Variants in NCAM2 observed in about 807,000 individuals in gnomAD.
NCAM2 encodes N-CAM-2.
In NCAM2, 30 loss-of-function variants were observed where a neutral mutation model predicts 98.1. The ratio of observed to expected loss-of-function variants is 0.31; its 90% CI spans 0.23 to 0.41. NCAM2 has a LOEUF of 0.41. NCAM2 is among the 10% of genes least tolerant of loss of function. The pLI is 1.00. For synonymous variants in NCAM2, 368 were observed against 342.4 expected, an observed-to-expected ratio of 1.07 and a Z score of -0.83; for missense variants, 867 against 1,005.8, an observed-to-expected ratio of 0.86 and a Z score of 1.87.
At chr21:21,263,459 A>G (rs998455047) in intron 1 of NCAM2, among the ~76,000 whole-genome samples, 1 of 152,096 alleles carries the variant, frequency 6.6e-6, no homozygotes, top group African/African-American at 2.4e-5. Context: ...TACAAATTCA[A>G]TGAAATTCAT....
intron 5 of NCAM2, among the ~76,000 whole-genome samples, chr21:21,305,885 GA>G (rs902602375): frequency 6.6e-6 from 1 of 151,976 alleles, no homozygotes; most frequent in Admixed American, 6.6e-5. Context: ...ATTTAGTGCT[GA>G]ATAATTCCCT....
At chr21:21,049,517 C>A (rs561246681) in intron 1 of NCAM2, among the ~76,000 whole-genome samples, 422 of 151,934 alleles carry the variant, frequency 2.8e-3, no homozygotes, top group Non-Finnish European at 4.5e-3. Flanking sequence ...GACTATCACA[C>A]TGACTACTTT....
rs949548245 is a variant in NCAM2 at position 21,381,673 on chromosome 21, T to G, written c.1195+7660T>G. On this transcript the variant is annotated intron_variant, in intron 9 of 17. Coordinates refer to ENST00000400546, the MANE Select transcript of NCAM2 (RefSeq NM_004540.5). ...TACACACACCTTATCTAATTATCTT[T>G]TTGACATCATGCATTACATCTCAAA... 3.3e-5 allele frequency among the ~76,000 whole-genome samples: 5 copies of G among 152,160 alleles called. No homozygotes were observed. The East Asian group carries it at 9.6e-4, about 29-fold the overall frequency.
Position 21,171,672 on chromosome 21 carries a change from G to T in NCAM2, c.56-108906G>T, listed in dbSNP as rs1056004543. Among the ~76,000 whole-genome samples, 5 of 152,136 alleles carry T rather than the reference G, an allele frequency of 3.3e-5. No individual in the cohort carries two copies. The East Asian group carries it at 9.6e-4, about 29-fold the overall frequency. On this transcript the variant is annotated intron_variant, in intron 1 of 17. Coordinates refer to ENST00000400546, the MANE Select transcript of NCAM2 (RefSeq NM_004540.5). ...TGCTACCATTTTTCGAGGTCAGTAGGCATCTGACAAGATTGGTGGGCAAAG... is the reference window on the plus strand; with the variant it reads ...TGCTACCATTTTTCGAGGTCAGTAGTCATCTGACAAGATTGGTGGGCAAAG...
chr21:21,367,156 A>G (rs922714962), intron 8 of NCAM2, among the ~76,000 whole-genome samples: 2 of 151,984 alleles, frequency 1.3e-5, no homozygotes, highest in Admixed American at 1.3e-4. Context: ...TGCGGTTTTC[A>G]TAGTTTTGTG....
intron 1 of NCAM2, among the ~76,000 whole-genome samples, chr21:21,174,108 C>G (rs182748247): frequency 4.6e-5 from 7 of 152,112 alleles, no homozygotes; most frequent in Admixed American, 2.6e-4. Context: ...TTAGTAGATA[C>G]GAGGTTTCAC....
At chr21:21,470,359 G>A (rs759028479) in intron 14 of NCAM2, among the ~76,000 whole-genome samples, 1 of 152,010 alleles carries the variant, frequency 6.6e-6, no homozygotes, top group Non-Finnish European at 1.5e-5. Context: ...AATCTTTTTT[G>A]AGAAGTTATG....
chr21:21,407,628 A>T (rs1190376392), intron 9 of NCAM2, among the ~76,000 whole-genome samples: 2 of 152,170 alleles, frequency 1.3e-5, no homozygotes, highest in Non-Finnish European at 2.9e-5. Context: ...ATTTGTAACT[A>T]TATTTTCCTT....
intron 1 of NCAM2, among the ~76,000 whole-genome samples, chr21:21,270,180 A>G (rs2072439929): frequency 6.6e-6 from 1 of 152,168 alleles, no homozygotes; most frequent in South Asian, 2.1e-4. Context: ...TTACATGTCT[A>G]AGTGTTGCCT....
intron 1 of NCAM2, among the ~76,000 whole-genome samples, chr21:21,243,347 T>C (rs2071142636): frequency 6.6e-6 from 1 of 152,210 alleles, no homozygotes; most frequent in Admixed American, 6.5e-5. Context: ...AAAATACTAT[T>C]ACATTTTTTG....
intron 1 of NCAM2, among the ~76,000 whole-genome samples, chr21:21,192,389 TTAGAG>T (rs889687277): frequency 1.3e-5 from 2 of 151,912 alleles, no homozygotes; most frequent in Non-Finnish European, 2.9e-5. Context: ...AATAGAGCAT[TTAGAG>T]TAGAGTAAAT....
chr21:21,071,794 A>G (rs572853995), intron 1 of NCAM2, among the ~76,000 whole-genome samples: 30 of 152,312 alleles, frequency 2.0e-4, no homozygotes, highest in African/African-American at 7.2e-4. Context: ...TGCGGAAAAA[A>G]GGGAAATGGA....
At chr21:21,244,326 A>G (rs1271689689) in intron 1 of NCAM2, among the ~76,000 whole-genome samples, 5 of 152,228 alleles carry the variant, frequency 3.3e-5, no homozygotes, top group Non-Finnish European at 7.3e-5. Flanking sequence ...ATGTTTATTT[A>G]GTATAAATTT....
chr21:21,301,840 A>G (rs2073725198), intron 5 of NCAM2, among the ~76,000 whole-genome samples: 1 of 149,870 alleles, frequency 6.7e-6, no homozygotes, highest in South Asian at 2.1e-4. Context: ...ACATTTATGC[A>G]GCCAAAAAAT....
chr21:21,201,408 A>C (rs2069214701), intron 1 of NCAM2, among the ~76,000 whole-genome samples: 1 of 152,218 alleles, frequency 6.6e-6, no homozygotes. Flanking sequence ...CAGAATCACA[A>C]AACAGCAAGT....
chr21:21,320,124 C>A (rs1302223571), intron 5 of NCAM2, among the ~76,000 whole-genome samples: 1 of 152,058 alleles, frequency 6.6e-6, no homozygotes, highest in East Asian at 1.9e-4. Context: ...CACGGCTTTA[C>A]TATATTCACA....
intron 1 of NCAM2, among the ~76,000 whole-genome samples, chr21:21,265,142 A>T (rs1249305084): frequency 2.6e-5 from 3 of 114,040 alleles, no homozygotes; most frequent in East Asian, 5.4e-4. Context: ...TACATATATA[A>T]TATATATACA....
chr21:21,384,689 T>C (rs558878647), intron 9 of NCAM2, among the ~76,000 whole-genome samples: 1 of 152,096 alleles, frequency 6.6e-6, no homozygotes, highest in East Asian at 1.9e-4. Flanking sequence ...GACCAAATCA[T>C]GTAAATAATG....
At chr21:21,175,484 G>C (rs1214863730) in intron 1 of NCAM2, among the ~76,000 whole-genome samples, 5 of 152,122 alleles carry the variant, frequency 3.3e-5, no homozygotes, top group African/African-American at 1.2e-4. Flanking sequence ...AGCAGGCTGA[G>C]ATCGTGCCAC....
Sources: allele counts gnomAD v4.1 joint callset (sites outside exome capture counted in the v4.1 genomes callset), GRCh38; gene constraint gnomAD v4.1.1; transcripts MANE v1.5; gene names NCBI Gene and HGNC (gene_info 2026-07-23, HGNC 2026-07-21).